The following GUSB variants were observed in gnomAD, a reference collection of about 807,000 sequenced individuals.
GUSB encodes the protein glucuronidase beta.
Under a neutral mutation model 74.6 loss-of-function variants are expected in GUSB, and 51 were observed. The ratio of observed to expected loss-of-function variants is 0.68; its 90% CI spans 0.55 to 0.86. The LOEUF is 0.86. Among genes scored for constraint, GUSB ranks in the 40% least tolerant of loss-of-function variants. The pLI is 0.00. For synonymous variants in GUSB, 360 were observed against 348.3 expected, an observed-to-expected ratio of 1.03 and a Z score of -0.37; for missense variants, 736 against 853.7, an observed-to-expected ratio of 0.86 and a Z score of 1.72.
At chr7:65,980,679 C>T (rs994794018) in intron 1 of GUSB, 11 of 501,746 alleles carry the variant, frequency 2.2e-5, no homozygotes, top group Admixed American at 2.0e-4. Flanking sequence ...CAGCCAGAGG[C>T]AAGAAGGTTC....
intron 10 of GUSB, among the ~76,000 whole-genome samples, chr7:65,967,455 AACAAAT>A (rs1790909935): frequency 6.6e-6 from 1 of 152,172 alleles, no homozygotes; most frequent in Non-Finnish European, 1.5e-5. Flanking sequence ...CGGTCTCAAA[AACAAAT>A]ACAAATTTGG....
At position 65,976,088 on chromosome 7, in the gene GUSB, A is replaced by T; in HGVS notation, c.839T>A (p.Leu280His). The T allele has an allele frequency of 6.2e-7, 1 of 1,613,952 alleles. No homozygotes were observed. Among genetic ancestry groups the T allele is most frequent in the Non-Finnish European group, 8.5e-7 (1 of 1,179,992 alleles). ...CCAGAGGCTGACACCTGGCACCTTA[A>T]GTTGGCCCTGGGTCCCAGTCCCATT... ...VANGTGTQGQ[L>H]KVPGVSLWWP... Residue 280 changes from leucine (L) to histidine (H), a missense_variant, in exon 5 of 12, where the codon CTT (leucine) becomes CAT (histidine). Transcript: ENST00000304895.
At chr7:65,975,342 T>C (rs966228204) in intron 5 of GUSB, 3 of 492,426 alleles carry the variant, frequency 6.1e-6, no homozygotes, top group South Asian at 2.0e-5. Context: ...AGTCCAGGAG[T>C]TGAAGACCAG....
chr7:65,977,028 GC>G (rs1015621006), intron 4 of GUSB, among the ~76,000 whole-genome samples: 1 of 152,002 alleles, frequency 6.6e-6, no homozygotes, highest in Non-Finnish European at 1.5e-5. Context: ...CCCAGAACGT[GC>G]TTACAGTAAC....
chr7:65,978,593 C>T (rs371146079), intron 4 of GUSB, among the ~76,000 whole-genome samples: 12 of 151,614 alleles, frequency 7.9e-5, no homozygotes, highest in Non-Finnish European at 1.5e-4. Context: ...TAGAGTGAAA[C>T]CCTGTCTCTA....
chr7:65,979,458 G>C lies in GUSB; in HGVS notation c.665C>G (p.Thr222Arg). 1.2e-6 allele frequency: 2 copies of C among 1,613,688 alleles called. No individual in the cohort carries two copies. Among genetic ancestry groups the C allele is most frequent in the Non-Finnish European group, 1.7e-6 (2 of 1,179,594 alleles). The change falls in exon 4 of 12, where the codon ACG becomes AGG. Residue 222 changes from threonine (T) to arginine (R), a missense_variant. Physicochemically the swap from Thr to Arg is moderately conservative, Grantham distance 71. This residue lies in a region of GUSB where 368 missense variants were observed against 363.8 expected (regional missense o/e 1.01). Transcript: ENST00000304895. Reference protein sequence around the residue: ...AGLQRSVLLYTTPTTYIDDIT... With the variant: ...AGLQRSVLLYRTPTTYIDDIT... ...GTCATCGATGTAGGTGGTGGGTGTC[G>C]TGTACAGAAGTACAGACCGCTGCAG...
intron 10 of GUSB, among the ~76,000 whole-genome samples, chr7:65,966,063 G>A (rs1281011929): frequency 2.0e-5 from 3 of 152,064 alleles, no homozygotes; most frequent in Non-Finnish European, 4.4e-5. Flanking sequence ...CCAGCTACTC[G>A]GGAGGCTGAG....
rs749045744 is a variant in GUSB at position 65,976,003 on chromosome 7, AACC to A, written c.912+9_912+11del. The A allele has an allele frequency of 1.9e-6, 3 of 1,612,336 alleles. No homozygotes were observed. The Admixed American group carries it at 5.0e-5, about 27-fold the overall frequency. On this transcript the variant is annotated intron_variant, in intron 5 of 11. Coordinates refer to ENST00000304895, the MANE Select transcript of GUSB (RefSeq NM_000181.4). ...AAAGACCTCCCTTAGGCATGTCCCA[AACC>A]ACCATTACCTCCAATGAATACAGAT...
At chr7:65,971,051 C>T (rs1470408298) in intron 8 of GUSB, among the ~76,000 whole-genome samples, 1 of 152,146 alleles carries the variant, frequency 6.6e-6, no homozygotes, top group Non-Finnish European at 1.5e-5. Flanking sequence ...TCCTATACCC[C>T]CAGAGGAGCA....
At chr7:65,968,489 T>A (rs1256471749) in intron 9 of GUSB, among the ~76,000 whole-genome samples, 1 of 152,078 alleles carries the variant, frequency 6.6e-6, no homozygotes, top group Non-Finnish European at 1.5e-5. Context: ...TGGAACTGAC[T>A]CCTCTCCAGG....
chr7:65,975,690 A>C, intron 5 of GUSB: 1 of 248,386 alleles, frequency 4.0e-6, no homozygotes, highest in East Asian at 9.8e-5. Context: ...CAGGCTACAA[A>C]ATTTTTTTTA....
chr7:65,978,781 A>AC (rs1791774778), intron 4 of GUSB, among the ~76,000 whole-genome samples: 1 of 152,078 alleles, frequency 6.6e-6, no homozygotes, highest in Admixed American at 6.6e-5. Flanking sequence ...AAAAAAAAAA[A>AC]AGAAGAAAAA....
chr7:65,970,171 A>G (rs1389709964), intron 9 of GUSB, 111 bp downstream of exon 9: 10 of 763,806 alleles, frequency 1.3e-5, no homozygotes, highest in Admixed American at 3.5e-5. Flanking sequence ...AGAAAATGAA[A>G]TAAAACCCAG....
intron 9 of GUSB, 103 bp downstream of exon 9, chr7:65,970,179 C>G: frequency 1.3e-6 from 1 of 778,054 alleles, no homozygotes; most frequent in South Asian, 1.3e-5. Context: ...AAATAAAACC[C>G]AGACTGGCAG....
intron 10 of GUSB, among the ~76,000 whole-genome samples, chr7:65,965,461 T>C (rs1411247168): frequency 6.6e-6 from 1 of 152,232 alleles, no homozygotes; most frequent in Non-Finnish European, 1.5e-5. Context: ...AAGACCTCAG[T>C]AGCCATGTGT....
In GUSB at chr7:65,980,265, C is replaced by T; in HGVS notation, c.355G>A (p.Val119Met). 1 of 1,613,072 alleles carries T rather than the reference C, an allele frequency of 6.2e-7. No homozygotes were observed. Among genetic ancestry groups the T allele is most frequent in the South Asian group, 1.1e-5 (1 of 90,934 alleles). ...TGGGCACTGCCAATCCTCAGCACCA[C>T]TCTTGTGCGCAGGTCCTGGGTCCAT... ...ERWTQDLRTR[V>M]VLRIGSAHSY... The change falls in exon 2 of 12, where the codon GTG becomes ATG. Residue 119 changes from valine to methionine, a missense_variant. By Grantham distance (21) the Val-to-Met change is conservative (BLOSUM62 1). This residue lies in a region of GUSB where 368 missense variants were observed against 363.8 expected (regional missense o/e 1.01). Coordinates refer to ENST00000304895, the MANE Select transcript of GUSB (RefSeq NM_000181.4).
At chr7:65,975,917 C>T (rs1270675777) in intron 5 of GUSB, 98 bp downstream of exon 5, 1 of 925,238 alleles carries the variant, frequency 1.1e-6, no homozygotes, top group Admixed American at 2.1e-5. Flanking sequence ...CTCAGAGGAC[C>T]ATGCCTGCCC....
chr7:65,972,375 G>A lies in GUSB; in HGVS notation c.1391+1920C>T, dbSNP rs575111297. Among the ~76,000 whole-genome samples the A allele has an allele frequency of 5.3e-5, 8 of 152,168 alleles. No individual in the cohort carries two copies. The East Asian group carries it at 5.8e-4, about 11-fold the overall frequency. On this transcript the variant is annotated intron_variant, in intron 8 of 11. Coordinates refer to ENST00000304895, the MANE Select transcript of GUSB (RefSeq NM_000181.4). ...CAGGGTTTCAATATCTGTTGGCCACGCCGGTCTCAAACTCCTGACCTCAGG... is the reference window on the plus strand; with the variant it reads ...CAGGGTTTCAATATCTGTTGGCCACACCGGTCTCAAACTCCTGACCTCAGG...
intron 11 of GUSB, 38 bp downstream of exon 11, chr7:65,964,285 G>T: frequency 6.3e-7 from 1 of 1,582,634 alleles, no homozygotes; most frequent in Non-Finnish European, 8.7e-7. Flanking sequence ...AAAAAATGAG[G>T]ACGGGTACGT....
Sources: allele counts gnomAD v4.1 joint callset (sites outside exome capture counted in the v4.1 genomes callset), GRCh38; gene constraint gnomAD v4.1.1; regional missense constraint gnomAD v4.1.1; transcripts MANE v1.5; gene names NCBI Gene and HGNC (gene_info 2026-07-23, HGNC 2026-07-21).